FAM120A: variants seen among roughly 807,000 people sequenced by gnomAD.
FAM120A encodes family with sequence similarity 120 member A.
Under a neutral mutation model 109.7 loss-of-function variants are expected in FAM120A, and 15 were observed. The ratio of observed to expected loss-of-function variants is 0.14; its 90% CI spans 0.09 to 0.21. FAM120A has a LOEUF of 0.21. Ranked by LOEUF, FAM120A falls within the 10% of genes least tolerant of loss-of-function variation. The pLI, the probability that FAM120A is intolerant of heterozygous loss-of-function variation, is 1.00. For synonymous variants in FAM120A, 493 were observed against 572.8 expected (o/e 0.86, Z 1.99); for missense variants, 899 against 1,439.3 (o/e 0.62, Z 6.07).
chr9:93,521,213 C>T (rs1860831351), intron 7 of FAM120A, among the ~76,000 whole-genome samples: 1 of 152,132 alleles, frequency 6.6e-6, no homozygotes, highest in African/African-American at 2.4e-5. Context: ...GACTACTTTG[C>T]AGAGACACAA....
Position 93,500,307 on chromosome 9 carries a change from C to T in FAM120A, c.1030+1421C>T, listed in dbSNP as rs528349274. ...AGACTGCTGGCTTCTCACTCCTGAG[C>T]GCAGCCTCCTTTCTTGCCTTGCATG... On this transcript the variant is annotated intron_variant, in intron 5 of 17. Transcript: ENST00000277165. The surrounding 1 kb of genome is among the most constrained non-coding windows in gnomAD (Gnocchi z 4.6). Among the ~76,000 whole-genome samples, 1 of 152,354 alleles carries T rather than the reference C, an allele frequency of 6.6e-6. No individual in the cohort carries two copies. Among genetic ancestry groups the T allele is most frequent in the African/African-American group, 2.4e-5 (1 of 41,584 alleles).
chr9:93,470,318 A>G (rs1015958211), intron 1 of FAM120A, among the ~76,000 whole-genome samples: 1 of 152,098 alleles, frequency 6.6e-6, no homozygotes, highest in East Asian at 1.9e-4. Flanking sequence ...CATTTAGAAC[A>G]TTTTTTCCAG....
chr9:93,476,158 A>G (rs570850817), intron 2 of FAM120A, 98 bp from the exon 3 acceptor site: 2 of 725,218 alleles, frequency 2.8e-6, no homozygotes, highest in East Asian at 2.7e-5. Context: ...TTTCTGTTTG[A>G]AAGTTTTCTA....
intron 11 of FAM120A, among the ~76,000 whole-genome samples, chr9:93,543,909 A>G (rs10821157): frequency 3.3e-5 from 5 of 152,026 alleles, no homozygotes; most frequent in African/African-American, 1.2e-4. Flanking sequence ...GAAATGTATC[A>G]TTAGGTGATT....
intron 14 of FAM120A, among the ~76,000 whole-genome samples, chr9:93,558,361 C>A (rs1354570945): frequency 6.6e-6 from 1 of 152,236 alleles, no homozygotes; most frequent in African/African-American, 2.4e-5. Context: ...TTCCTGAGCC[C>A]CATGCTAGTG....
chr9:93,555,469 A>G (rs1862256357), intron 12 of FAM120A, among the ~76,000 whole-genome samples: 1 of 152,242 alleles, frequency 6.6e-6, no homozygotes, highest in South Asian at 2.1e-4. Context: ...TACCTGCCAC[A>G]TGTAGGCATT....
At chr9:93,471,051 T>C (rs1253692139) in intron 1 of FAM120A, 90 bp from the exon 2 acceptor site, 16 of 1,471,796 alleles carry the variant, frequency 1.1e-5, no homozygotes, top group Non-Finnish European at 1.4e-5. Flanking sequence ...TAAATGTGAT[T>C]TTTCAGCTTC....
chr9:93,522,736 G>A (rs1171201663), intron 7 of FAM120A, among the ~76,000 whole-genome samples: 1 of 152,190 alleles, frequency 6.6e-6, no homozygotes, highest in Non-Finnish European at 1.5e-5. Flanking sequence ...TGTGGAACAA[G>A]GACATCTCCA....
Position 93,551,011 on chromosome 9 carries a change from G to C in FAM120A, c.2274+320G>C, listed in dbSNP as rs538698800. On this transcript the variant is annotated intron_variant, in intron 12 of 17. Coordinates refer to ENST00000277165, the MANE Select transcript of FAM120A (RefSeq NM_014612.5). ...AATAAACTTGCCTTTTATATTTTAG[G>C]GGGGGATTCCAAACCCTGAGAGGGC... is the stretch of plus-strand genomic sequence containing the variant. Among the ~76,000 whole-genome samples the C allele has an allele frequency of 2.0e-4, 30 of 152,162 alleles. No individual in the cohort carries two copies. The South Asian group carries it at 6.0e-3, about 31-fold the overall frequency.
chr9:93,547,387 G>A (rs930798019), intron 11 of FAM120A, among the ~76,000 whole-genome samples: 3 of 152,214 alleles, frequency 2.0e-5, no homozygotes, highest in Non-Finnish European at 4.4e-5. Context: ...CGGGTGGTTG[G>A]TGGTCAGCCT....
chr9:93,538,698 G>A (rs964202159), intron 10 of FAM120A, among the ~76,000 whole-genome samples: 4 of 152,120 alleles, frequency 2.6e-5, no homozygotes, highest in Admixed American at 2.0e-4. Context: ...TTTATAATAC[G>A]GTCTTACAGG....
At chr9:93,496,777 C>G (rs879811116) in intron 3 of FAM120A, among the ~76,000 whole-genome samples, 1 of 152,198 alleles carries the variant, frequency 6.6e-6, no homozygotes, top group Non-Finnish European at 1.5e-5. Context: ...TCCTGCCTAC[C>G]GCAAAGCTCT....
At chr9:93,558,559 C>G in intron 14 of FAM120A, 22 bp from the exon 15 acceptor site, 4 of 1,613,376 alleles carry the variant, frequency 2.5e-6, no homozygotes, top group Non-Finnish European at 3.4e-6. Context: ...TCTCCCCTCT[C>G]TCTCTACCCC....
chr9:93,533,185 CTATT>C (rs1322539515), intron 10 of FAM120A, among the ~76,000 whole-genome samples: 3 of 152,070 alleles, frequency 2.0e-5, no homozygotes, highest in African/African-American at 4.8e-5. Context: ...TAGTTACAGA[CTATT>C]TGTTTGTGTG....
intron 3 of FAM120A, among the ~76,000 whole-genome samples, chr9:93,489,130 T>G (rs1859201360): frequency 2.0e-5 from 3 of 152,076 alleles, no homozygotes; most frequent in African/African-American, 7.2e-5. Context: ...TAAGCACATT[T>G]CAACACTTAA....
chr9:93,527,425 C>T (rs1470182344), intron 8 of FAM120A, among the ~76,000 whole-genome samples, 183 bp downstream of exon 8: 1 of 152,062 alleles, frequency 6.6e-6, no homozygotes, highest in Admixed American at 6.6e-5. Flanking sequence ...AGTCTTTCTG[C>T]ATGGCAGGCA....
chr9:93,505,839 A>G (rs1183640388), intron 5 of FAM120A, among the ~76,000 whole-genome samples: 2 of 152,228 alleles, frequency 1.3e-5, no homozygotes, highest in Admixed American at 6.5e-5. Context: ...TTGTCTTCTA[A>G]AAGTTTTATT....
At chr9:93,482,661 C>T (rs548522610) in intron 3 of FAM120A, among the ~76,000 whole-genome samples, 3 of 152,122 alleles carry the variant, frequency 2.0e-5, no homozygotes, top group Non-Finnish European at 2.9e-5. Flanking sequence ...CCAGGAGCAA[C>T]GATGGTAGGG....
chr9:93,561,092 G>C lies in FAM120A; in HGVS notation c.2807-17G>C. The C allele has an allele frequency of 6.2e-7, 1 of 1,610,754 alleles. No homozygotes were observed. The highest frequency in any genetic ancestry group is 8.5e-7 in the Non-Finnish European group (1 of 1,178,812). On this transcript the variant is annotated splice_polypyrimidine_tract_variant and intron_variant, in intron 15 of 17. Transcript: ENST00000277165. Reference sequence around the variant, plus strand: ...GTGATTGTAAAGATTTTGTCTTTTTGTATATTTTTTATGCAGGAGTCCAAC... The same window carrying C: ...GTGATTGTAAAGATTTTGTCTTTTTCTATATTTTTTATGCAGGAGTCCAAC...
Sources: gnomAD v4.1 joint callset for allele counts (sites outside exome capture counted in the v4.1 genomes callset) on GRCh38, gnomAD v4.1.1 for gene constraint, Gnocchi (gnomAD v3.1) non-coding constraint, MANE v1.5 for transcripts, NCBI Gene and HGNC (gene_info 2026-07-23, HGNC 2026-07-21) for gene names.